Variants in C2CD3 observed in about 807,000 individuals in gnomAD.
C2CD3 encodes C2 domain containing 3 centriole elongation regulator.
Under a neutral mutation model 234.0 loss-of-function variants are expected in C2CD3, and 148 were observed. The ratio of observed to expected loss-of-function variants is 0.63; its 90% CI spans 0.55 to 0.72. C2CD3 has a LOEUF of 0.72. Among genes scored for constraint, C2CD3 ranks in the 30% least tolerant of loss-of-function variants. The pLI, the probability that C2CD3 is intolerant of heterozygous loss-of-function variation, is 0.00. For missense variants in C2CD3, 2,577 were observed against 2,811.5 expected, an observed-to-expected ratio of 0.92 and a Z score of 1.89; for synonymous variants, 1,000 against 1,035.4, an observed-to-expected ratio of 0.97 and a Z score of 0.66.
intron 21 of C2CD3, 85 bp downstream of exon 21, chr11:74,085,533 G>A: frequency 7.5e-7 from 1 of 1,341,780 alleles, no homozygotes; most frequent in Non-Finnish European, 1.0e-6. Context: ...TTTAAATACT[G>A]CAGTATGTAT....
chr11:74,052,363 G>A (rs1953736508), intron 26 of C2CD3, among the ~76,000 whole-genome samples: 1 of 152,164 alleles, frequency 6.6e-6, no homozygotes, highest in Non-Finnish European at 1.5e-5. Context: ...CACAAATTCT[G>A]CAAGGCCAGT....
intron 2 of C2CD3, among the ~76,000 whole-genome samples, chr11:74,166,065 C>T (rs971780399): frequency 5.7e-4 from 87 of 152,144 alleles, no homozygotes; most frequent in African/African-American, 2.0e-3. Flanking sequence ...AATCCCAGCA[C>T]TTTGGGAGGC....
intron 11 of C2CD3, among the ~76,000 whole-genome samples, chr11:74,109,953 C>A (rs1424034940): frequency 6.9e-6 from 1 of 145,590 alleles, no homozygotes; most frequent in Non-Finnish European, 1.5e-5. Context: ...CAGTGGCAGA[C>A]GCCTGTAGTC....
chr11:74,098,059 G>C lies in C2CD3; in HGVS notation c.2929C>G (p.Pro977Ala). The change falls in exon 16 of 33, where the codon CCT becomes GCT. Residue 977 changes from proline (P) to alanine (A), a missense_variant. Transcript: ENST00000334126. ...NEEGTLPPFS[P>A]RPAHFLDQPT... ...TGGTCCAGGAAATGGGCTGGCCTAGGGCTGAAGGGAGGGAGTGTTCCTTCT... is the reference window on the plus strand; with the variant it reads ...TGGTCCAGGAAATGGGCTGGCCTAGCGCTGAAGGGAGGGAGTGTTCCTTCT... 1 of 1,614,028 alleles carries C rather than the reference G, an allele frequency of 6.2e-7. No individual in the cohort carries two copies. The highest frequency in any genetic ancestry group is 1.3e-5 in the African/African-American group (1 of 75,042).
chr11:74,078,390 T>C lies in C2CD3; in HGVS notation c.4328A>G (p.Asp1443Gly), dbSNP rs775375446. Residue 1443 changes from aspartate (D) to glycine (G), a missense_variant, in exon 23 of 33, where the codon GAT (aspartate) becomes GGT (glycine). Coordinates refer to ENST00000334126, the MANE Select transcript of C2CD3 (RefSeq NM_001286577.2). ...GAGAGGGGTCCAAAAGGCTTCATGA[T>C]CATAGAACTTGTAGCGAAGGTAGCA... is the stretch of plus-strand genomic sequence containing the variant. ...TYCYLRYKFY[D>G]HEAFWTPLKK... 5 of 1,614,178 alleles carry C rather than the reference T, an allele frequency of 3.1e-6. No homozygotes were observed. Among genetic ancestry groups the C allele is most frequent in the Non-Finnish European group, 4.2e-6 (5 of 1,180,044 alleles).
Position 74,103,168 on chromosome 11 carries a change from G to A in C2CD3, c.2543C>T (p.Ala848Val), listed in dbSNP as rs1308941144. ...STEEVTRSVI[A>V]WGTTQPVFNF... ...AAAGACCGGTTGTGTTGTGCCCCAT[G>A]CGATGACAGATCTGGTGACTTCCTC... Residue 848 changes from alanine to valine, a missense_variant, in exon 14 of 33, where the codon GCA (alanine) becomes GTA (valine). Physicochemically the swap from Ala to Val is moderately conservative, Grantham distance 64. Transcript: ENST00000334126. 1 of 1,614,026 alleles carries A rather than the reference G, an allele frequency of 6.2e-7. No individual in the cohort carries two copies.
chr11:74,125,327 T>A (rs1015186514), intron 7 of C2CD3, among the ~76,000 whole-genome samples: 2 of 152,052 alleles, frequency 1.3e-5, no homozygotes, highest in Admixed American at 6.5e-5. Context: ...ACCAATACAC[T>A]CGGCTAATTA....
At chr11:74,075,857 G>A (rs1452255630) in intron 23 of C2CD3, among the ~76,000 whole-genome samples, 2 of 152,216 alleles carry the variant, frequency 1.3e-5, no homozygotes, top group East Asian at 1.9e-4. Context: ...ATGGCTTGAC[G>A]CATTCAACAA....
At chr11:74,050,377 C>T (rs958327841) in intron 26 of C2CD3, among the ~76,000 whole-genome samples, 1 of 152,198 alleles carries the variant, frequency 6.6e-6, no homozygotes, top group African/African-American at 2.4e-5. Context: ...AGGGGGCTGC[C>T]TTTAATGACT....
chr11:74,107,118 T>TC (rs2135501209), intron 12 of C2CD3, among the ~76,000 whole-genome samples: 1 of 152,218 alleles, frequency 6.6e-6, no homozygotes, highest in East Asian at 1.9e-4. Flanking sequence ...GGTCAGGAGT[T>TC]CAAGACCAGC....
chr11:74,054,230 C>T (rs974699485), intron 26 of C2CD3, among the ~76,000 whole-genome samples: 16 of 149,594 alleles, frequency 1.1e-4, no homozygotes, highest in Non-Finnish European at 1.8e-4. Context: ...CAAGATCGTG[C>T]CACTGCCCTC....
chr11:74,095,225 T>A lies in C2CD3; in HGVS notation c.3160+3A>T, dbSNP rs368605500. 48 of 1,604,772 alleles carry A rather than the reference T, an allele frequency of 3.0e-5. No homozygotes were observed. The highest frequency in any genetic ancestry group is 3.9e-5 in the Non-Finnish European group (46 of 1,174,534). On this transcript the variant is annotated splice_donor_region_variant and intron_variant, in intron 17 of 32. Coordinates refer to ENST00000334126, the MANE Select transcript of C2CD3 (RefSeq NM_001286577.2). ...AATAAGAAAGCCTAATATCTAAACC[T>A]ACCATTTTCAAGGAACTCAGGTCCT...
chr11:74,074,687 C>A (rs528209024), intron 23 of C2CD3, 87 bp from the exon 24 acceptor site: 25 of 1,086,966 alleles, frequency 2.3e-5, no homozygotes, highest in Middle Eastern at 2.2e-4. Flanking sequence ...TGCTGTGGTC[C>A]TTTCTCCTTT....
At chr11:74,102,740 A>G (rs900807344) in intron 14 of C2CD3, among the ~76,000 whole-genome samples, 6 of 152,264 alleles carry the variant, frequency 3.9e-5, no homozygotes, top group African/African-American at 1.4e-4. Flanking sequence ...AATCAAGTTA[A>G]GATGAATACT....
chr11:74,166,716 A>C (rs1856837979), intron 2 of C2CD3, among the ~76,000 whole-genome samples: 1 of 152,148 alleles, frequency 6.6e-6, no homozygotes, highest in African/African-American at 2.4e-5. Flanking sequence ...GTTTTCAACT[A>C]ATCTTTAAGT....
intron 32 of C2CD3, among the ~76,000 whole-genome samples, chr11:74,022,597 A>G (rs988073122): frequency 1.3e-5 from 2 of 152,198 alleles, no homozygotes; most frequent in Non-Finnish European, 2.9e-5. Flanking sequence ...GGAAGACAAC[A>G]TGTAAAGCAA....
At position 74,133,517 on chromosome 11, in the gene C2CD3, C is replaced by A; in HGVS notation, c.996G>T (p.Val332=). ...EQGNKLRNAM[V]ISAMKSSPET... The stretch of plus-strand genomic sequence containing the variant: ...CTGGGCTTGATTTCATTGCAGAAAT[C>A]ACCATGGCATTACGCAGTTTATTGC... The change falls in exon 6 of 33, where the codon GTG becomes GTT. Residue 332 remains valine, a synonymous_variant. Coordinates refer to ENST00000334126, the MANE Select transcript of C2CD3 (RefSeq NM_001286577.2). 6.2e-7 allele frequency: 1 copy of A among 1,614,072 alleles called. No homozygotes were observed. The highest frequency in any genetic ancestry group is 1.1e-5 in the South Asian group (1 of 91,078).
chr11:74,015,604 C>T (rs993782761), intron 32 of C2CD3, among the ~76,000 whole-genome samples: 1 of 152,128 alleles, frequency 6.6e-6, no homozygotes, highest in Non-Finnish European at 1.5e-5. Flanking sequence ...GTTTTATGAG[C>T]CAGATGGGAA....
At chr11:74,103,069 T>C (rs1956373119) in intron 14 of C2CD3, 62 bp downstream of exon 14, 3 of 1,445,636 alleles carry the variant, frequency 2.1e-6, no homozygotes, top group Non-Finnish European at 2.8e-6. Context: ...AAATAATAAT[T>C]TGGGAGGCAT....
Sources: gnomAD v4.1 joint callset for allele counts (sites outside exome capture counted in the v4.1 genomes callset) on GRCh38, gnomAD v4.1.1 for gene constraint, MANE v1.5 for transcripts, NCBI Gene and HGNC (gene_info 2026-07-23, HGNC 2026-07-21) for gene names.